The following PPP1R14A variants were observed in gnomAD, a reference collection of about 807,000 sequenced individuals.
PPP1R14A encodes protein phosphatase 1 regulatory inhibitor subunit 14A.
PPP1R14A carries 9 observed loss-of-function variants against 14.1 expected under a neutral mutation model. The ratio of observed to expected loss-of-function variants is 0.64; its 90% CI spans 0.38 to 1.11. The LOEUF (loss-of-function observed/expected upper bound fraction) is 1.11, where lower values mean the gene tolerates loss of function less well. Ranked by LOEUF, PPP1R14A falls within the 50% of genes most tolerant of loss-of-function variation. The probability of loss-of-function intolerance (pLI) is 0.01; values close to 1 mark genes in which losing one functional copy is unlikely to be tolerated. For missense variants in PPP1R14A, 208 were observed against 200.7 expected (o/e 1.04, Z -0.22); for synonymous variants, 93 against 88.7 (o/e 1.05, Z -0.27).
At chr19:38,254,089 C>T (rs1968220188) in intron 1 of PPP1R14A, among the ~76,000 whole-genome samples, 1 of 152,178 alleles carries the variant, frequency 6.6e-6, no homozygotes, top group Admixed American at 6.5e-5. Context: ...GACTGCATGT[C>T]ACCATGGGAG....
intron 1 of PPP1R14A, among the ~76,000 whole-genome samples, chr19:38,255,507 G>A (rs1295678144): frequency 1.3e-5 from 2 of 152,164 alleles, no homozygotes; most frequent in East Asian, 1.9e-4. Flanking sequence ...AGGAAGGGCC[G>A]TAACTTGAGT....
chr19:38,251,488 G>A, intron 3 of PPP1R14A, 42 bp from the exon 4 acceptor site: 1 of 1,515,262 alleles, frequency 6.6e-7, no homozygotes, highest in Non-Finnish European at 8.7e-7. Context: ...GAACAGTGCG[G>A]GGGCACCCTC....
At chr19:38,251,699 T>G (rs1600315945) in intron 3 of PPP1R14A, among the ~76,000 whole-genome samples, 14 of 138,634 alleles carry the variant, frequency 1.0e-4, no homozygotes, top group Admixed American at 1.4e-4. Context: ...AGATACGGAG[T>G]GGGGGAGGGG....
intron 1 of PPP1R14A, 134 bp from the exon 2 acceptor site, chr19:38,253,108 A>G: frequency 1.5e-6 from 1 of 686,056 alleles, no homozygotes; most frequent in South Asian, 1.7e-5. Context: ...GCAGTCCGGG[A>G]CAGCACTGCC....
rs375281369 is a variant in PPP1R14A at position 38,252,356 on chromosome 19, GAACAA to G, written c.283-23_283-19del. On this transcript the variant is annotated intron_variant, in intron 2 of 3. Transcript: ENST00000301242. The surrounding 1 kb of genome is among the most constrained non-coding windows in gnomAD (Gnocchi z 4.1). ...AGGAGTCCCTAAAACCCCCAACCAAGAACAAAACAAAACAGTAAATGACTAACACC... is the reference window on the plus strand; with the variant it reads ...AGGAGTCCCTAAAACCCCCAACCAAGAACAAAACAGTAAATGACTAACACC... The G allele has an allele frequency of 9.2e-4, 1,488 of 1,611,862 alleles. 14 individuals carry two copies. In the African/African-American group the frequency reaches 0.018, roughly 19 times the overall value.
Position 38,251,379 on chromosome 19 carries a change from C to A in PPP1R14A, c.383G>T (p.Ser128Ile). The change falls in exon 4 of 4, where the codon AGC becomes ATC. Residue 128 changes from serine (S) to isoleucine (I), a missense_variant. Ser to Ile is a moderately radical substitution (Grantham distance 142, BLOSUM62 -2). Transcript: ENST00000301242. ...GCTGAGGCTGCCGTCGTGGGAGGGG[C>A]TTGGCTGGCGGAGGCCGGGCTGCCT... Reference protein sequence around the residue: ...LHRQPGLRQPSPSHDGSLSPL... With the variant: ...LHRQPGLRQPIPSHDGSLSPL... 1 of 1,561,184 alleles carries A rather than the reference C, an allele frequency of 6.4e-7. No homozygotes were observed. Among genetic ancestry groups the A allele is most frequent in the Non-Finnish European group, 8.6e-7 (1 of 1,162,058 alleles).
At position 38,256,243 on chromosome 19, in the gene PPP1R14A, G is replaced by T. The variant is rs1283659935; in HGVS notation, c.97C>A (p.Arg33=). Residue 33 remains arginine (R), a synonymous_variant, in exon 1 of 4, where the codon CGG becomes AGG. Transcript: ENST00000301242. This position sits in a 1 kb window ranked among gnomAD's most constrained non-coding sequence, Gnocchi z 5.7. ...PGGSPGGLQK[R]HARVTVKYDR... ...TACTTGACGGTGACGCGCGCGTGCC[G>T]CTTCTGCAGCCCCCCGGGACTGCCC... 6.4e-7 allele frequency: 1 copy of T among 1,550,442 alleles called. No individual in the cohort carries two copies. The highest frequency in any genetic ancestry group is 2.4e-5 in the East Asian group (1 of 41,822).
In PPP1R14A at chr19:38,252,982, CAGGG is replaced by C. The variant is rs757892764; in HGVS notation, c.202-12_202-9del. 4.3e-6 allele frequency: 7 copies of C among 1,611,260 alleles called. No homozygotes were observed. The African/African-American group carries it at 6.7e-5, about 15-fold the overall frequency. ...ATCGGGCATGTCTGCCTCCTAGGGCCAGGGAGGGAGGGGTGCTTAGGATCCCCTT... is the reference window on the plus strand; with the variant it reads ...ATCGGGCATGTCTGCCTCCTAGGGCCAGGGAGGGGTGCTTAGGATCCCCTT... On this transcript the variant is annotated splice_polypyrimidine_tract_variant and intron_variant, in intron 1 of 3. Coordinates refer to ENST00000301242, the MANE Select transcript of PPP1R14A (RefSeq NM_033256.3). This position sits in a 1 kb window ranked among gnomAD's most constrained non-coding sequence, Gnocchi z 4.1.
chr19:38,253,649 A>C (rs1044869353), intron 1 of PPP1R14A, among the ~76,000 whole-genome samples: 1 of 152,224 alleles, frequency 6.6e-6, no homozygotes, highest in Non-Finnish European at 1.5e-5. Context: ...AATAGGACCC[A>C]GCTGTCCCCA....
At chr19:38,255,608 T>C (rs1968238172) in intron 1 of PPP1R14A, among the ~76,000 whole-genome samples, 1 of 151,398 alleles carries the variant, frequency 6.6e-6, no homozygotes, top group Non-Finnish European at 1.5e-5. Context: ...GTAGCATATG[T>C]TGAACTGTAG....
At chr19:38,251,976 C>A (rs914451130) in intron 3 of PPP1R14A, 4 of 422,756 alleles carry the variant, frequency 9.5e-6, no homozygotes, top group African/African-American at 8.0e-5. Context: ...GAAGGGAGCC[C>A]GGGGTGGCGG....
At position 38,256,030 on chromosome 19, in the gene PPP1R14A, C is replaced by T. The variant is rs1017780037; in HGVS notation, c.201+109G>A. ...TGGGGCGCTCGTCCTCTTGTGCAGA[C>T]CAGGCTGGCCGTGCACCAGCGAGTG... On this transcript the variant is annotated intron_variant, in intron 1 of 3. Transcript: ENST00000301242. The surrounding 1 kb of genome is among the most constrained non-coding windows in gnomAD (Gnocchi z 5.7). 1 of 1,035,966 alleles carries T rather than the reference C, an allele frequency of 9.7e-7. No individual in the cohort carries two copies. Among genetic ancestry groups the T allele is most frequent in the Admixed American group, 2.7e-5 (1 of 36,822 alleles). 64.2% of individuals were successfully genotyped at this position (1,035,966 alleles called of 1,614,324 possible). A position where few individuals can be genotyped will look rare whatever the true frequency, so the allele number is the denominator to read the frequency against.
rs1009473256 is a variant in PPP1R14A at position 38,256,009 on chromosome 19, G to A, written c.201+130C>T. 5 of 814,924 alleles carry A rather than the reference G, an allele frequency of 6.1e-6. No homozygotes were observed. Among genetic ancestry groups the A allele is most frequent in the Admixed American group, 6.0e-5 (2 of 33,558 alleles). The allele number at this position is 814,924 out of a possible 1,614,324, so 50.5% of individuals were successfully genotyped here. ...AGGCCAATGAGTGCCCGGCCCTGGGGCGCTCGTCCTCTTGTGCAGACCAGG... is the reference window on the plus strand; with the variant it reads ...AGGCCAATGAGTGCCCGGCCCTGGGACGCTCGTCCTCTTGTGCAGACCAGG... On this transcript the variant is annotated intron_variant, in intron 1 of 3. Coordinates refer to ENST00000301242, the MANE Select transcript of PPP1R14A (RefSeq NM_033256.3). This position sits in a 1 kb window ranked among gnomAD's most constrained non-coding sequence, Gnocchi z 5.7.
rs376186974 is a variant in PPP1R14A, at chr19:38,251,296, G to T, written c.*22C>A. The T allele has an allele frequency of 3.5e-4, 503 of 1,447,978 alleles. 2 individuals are homozygous for T. Among genetic ancestry groups the T allele is most frequent in the African/African-American group, 2.5e-3 (165 of 67,112 alleles). 89.7% of individuals were successfully genotyped at this position (1,447,978 alleles called of 1,614,324 possible). A position where few individuals can be genotyped will look rare whatever the true frequency, so the allele number is the denominator to read the frequency against. ...ACAAGCAAGCTGGGCGGCGTCCGGG[G>T]GGCAGGGAGAGTGCAAGAGGGTCAG... On this transcript the variant is annotated 3_prime_UTR_variant, in exon 4 of 4. Transcript: ENST00000301242.
At chr19:38,254,486 G>A (rs1968224644) in intron 1 of PPP1R14A, among the ~76,000 whole-genome samples, 1 of 152,008 alleles carries the variant, frequency 6.6e-6, no homozygotes, top group East Asian at 1.9e-4. Context: ...TGTAATTTTA[G>A]TAGAGACAGG....
chr19:38,252,906 G>T lies in PPP1R14A; in HGVS notation c.270C>A (p.Ser90Arg). 6.2e-7 allele frequency: 1 copy of T among 1,613,724 alleles called. No individual in the cohort carries two copies. Among genetic ancestry groups the T allele is most frequent in the South Asian group, 1.1e-5 (1 of 91,074 alleles). The change falls in exon 2 of 4, where the codon AGC becomes AGA. Residue 90 changes from serine to arginine, a missense_variant. Transcript: ENST00000301242. The surrounding 1 kb of genome is among the most constrained non-coding windows in gnomAD (Gnocchi z 4.1). Reference sequence around the variant, plus strand: ...TCCCCCCACCTACCTGGATTTTCCGGCTTCTCTCCTCTTCACTCTCTAACT... The same window carrying T: ...TCCCCCCACCTACCTGGATTTTCCGTCTTCTCTCCTCTTCACTCTCTAACT... Reference protein sequence around the residue: ...LLELESEEERSRKIQGLLKSC... With the variant: ...LLELESEEERRRKIQGLLKSC...
intron 1 of PPP1R14A, among the ~76,000 whole-genome samples, chr19:38,253,791 C>A (rs944800319): frequency 6.6e-6 from 1 of 152,188 alleles, no homozygotes; most frequent in African/African-American, 2.4e-5. Context: ...GGGGCTTCAG[C>A]AAGGACACAG....
intron 3 of PPP1R14A, chr19:38,251,812 T>G: frequency 5.6e-6 from 2 of 355,302 alleles, no homozygotes; most frequent in Non-Finnish European, 1.0e-5. Context: ...TCCCCAGAGA[T>G]AGATCCAGGG....
chr19:38,251,645 A>T (rs1968191811), intron 3 of PPP1R14A, among the ~76,000 whole-genome samples, 199 bp from the exon 4 acceptor site: 1 of 151,738 alleles, frequency 6.6e-6, no homozygotes, highest in African/African-American at 2.4e-5. Flanking sequence ...GATGGGAGGG[A>T]TGGAGAGAAA....
Sources: gnomAD v4.1 joint callset for allele counts (sites outside exome capture counted in the v4.1 genomes callset) on GRCh38, gnomAD v4.1.1 for gene constraint, Gnocchi (gnomAD v3.1) non-coding constraint, MANE v1.5 for transcripts, NCBI Gene and HGNC (gene_info 2026-07-23, HGNC 2026-07-21) for gene names.